The following FAM221A variants were observed in gnomAD, a reference collection of about 807,000 sequenced individuals.
FAM221A encodes the protein protein FAM221A.
FAM221A carries 43 observed loss-of-function variants against 37.6 expected under a neutral mutation model. The ratio of observed to expected loss-of-function variants is 1.15; its 90% confidence interval spans 0.90 to 1.48. The LOEUF is 1.48. Ranked by LOEUF, FAM221A falls within the 40% of genes most tolerant of loss-of-function variation. The pLI is 0.00. For synonymous variants in FAM221A, 135 were observed against 132.9 expected (o/e 1.02, Z -0.11); for missense variants, 361 against 361.5 (o/e 1.00, Z 0.01).
At chr7:23,691,676 A>T in intron 4 of FAM221A, 80 bp downstream of exon 4, 1 of 1,166,378 alleles carries the variant, frequency 8.6e-7, no homozygotes, top group Non-Finnish European at 1.3e-6. Flanking sequence ...ATATTTGTTA[A>T]GCAATTTATA....
At chr7:23,681,954 G>A (rs4722245) in intron 1 of FAM221A, among the ~76,000 whole-genome samples, 72,715 of 151,856 alleles carry the variant, frequency 0.48, 17,793 homozygotes, top group South Asian at 0.67. Context: ...GGTGGGAGTC[G>A]GTTGGGAGGG....
intron 4 of FAM221A, among the ~76,000 whole-genome samples, chr7:23,695,371 T>A (rs899281954): frequency 1.3e-5 from 2 of 151,968 alleles, no homozygotes; most frequent in African/African-American, 4.8e-5. Context: ...ACAATCTTAT[T>A]AAGTTTATTT....
intron 5 of FAM221A, among the ~76,000 whole-genome samples, chr7:23,699,836 C>T (rs539999082): frequency 6.6e-6 from 1 of 152,164 alleles, no homozygotes; most frequent in South Asian, 2.1e-4. Context: ...ATCAGTGCAC[C>T]TGGCCTGATA....
At position 23,700,215 on chromosome 7, in the gene FAM221A, G is replaced by A. The variant is rs559231977; in HGVS notation, c.746-571G>A. On this transcript the variant is annotated intron_variant, in intron 5 of 6. Coordinates refer to ENST00000344962, the MANE Select transcript of FAM221A (RefSeq NM_199136.5). Reference sequence around the variant, plus strand: ...AGGGACCCAGTGAAGACCTTCACTCGCAATGAAGGTGTACTTTTCTATGCA... The same window carrying A: ...AGGGACCCAGTGAAGACCTTCACTCACAATGAAGGTGTACTTTTCTATGCA... 3.9e-5 allele frequency among the ~76,000 whole-genome samples: 6 copies of A among 152,270 alleles called. No homozygotes were observed. The South Asian group carries it at 6.2e-4, about 16-fold the overall frequency.
chr7:23,699,276 TGG>T (rs1785251479), intron 5 of FAM221A, among the ~76,000 whole-genome samples: 1 of 135,624 alleles, frequency 7.4e-6, no homozygotes, highest in African/African-American at 2.7e-5. Flanking sequence ...CCCCCACACC[TGG>T]GTAATTAAAA....
In FAM221A at chr7:23,682,436, ATTAT is replaced by A. The variant is rs1562514075; in HGVS notation, c.66-2060_66-2057del. ...ATTTATTATTATTATTATTATTATT[ATTAT>A]TTTTTTTTTTAGATAGAGTCTTGCT... is the stretch of plus-strand genomic sequence containing the variant. On this transcript the variant is annotated intron_variant, in intron 1 of 6. Transcript: ENST00000344962. Among the ~76,000 whole-genome samples the A allele has an allele frequency of 1.3e-4, 10 of 75,634 alleles. No individual in the cohort carries two copies. In the South Asian group the frequency reaches 2.3e-3, roughly 18 times the overall value. 49.6% of individuals were successfully genotyped at this position (75,634 alleles called of 152,430 possible). A position where few individuals can be genotyped will look rare whatever the true frequency, so the allele number is the denominator to read the frequency against.
At chr7:23,680,913 A>C (rs1444972304) in intron 1 of FAM221A, 1 of 152,058 alleles carries the variant, frequency 6.6e-6, no homozygotes, top group Non-Finnish European at 1.5e-5. Flanking sequence ...GGACCGCCTG[A>C]GGACGCGGAG....
rs544129969 is a variant in FAM221A at position 23,681,118 on chromosome 7, C to A, written c.65+835C>A. 2.0e-5 allele frequency among the ~76,000 whole-genome samples: 3 copies of A among 152,276 alleles called. No homozygotes were observed. The East Asian group carries it at 5.8e-4, about 29-fold the overall frequency. On this transcript the variant is annotated intron_variant, in intron 1 of 6. Transcript: ENST00000344962. ...GCCCTGTTTGTGTAGTTTTGGGTAA[C>A]CCTTAGAACTGCCTGGATATTCTGA...
In FAM221A at chr7:23,702,331, C is replaced by A; in HGVS notation, c.*167C>A. 2.3e-6 allele frequency: 1 copy of A among 425,728 alleles called. No homozygotes were observed. Among genetic ancestry groups the A allele is most frequent in the South Asian group, 5.9e-5 (1 of 16,816 alleles). The allele number at this position is 425,728 out of a possible 1,614,324, so 26.4% of individuals were successfully genotyped here. A position where few individuals can be genotyped will look rare whatever the true frequency, so the allele number is the denominator to read the frequency against. On this transcript the variant is annotated 3_prime_UTR_variant, in exon 7 of 7. Coordinates refer to ENST00000344962, the MANE Select transcript of FAM221A (RefSeq NM_199136.5). Reference sequence around the variant, plus strand: ...TTTAAATAACTAAAAATGCCTATTACTTTTGTCAAAACTCATAATTTACTA... The same window carrying A: ...TTTAAATAACTAAAAATGCCTATTAATTTTGTCAAAACTCATAATTTACTA...
At chr7:23,686,267 C>CT (rs199776307) in intron 2 of FAM221A, 43,738 of 371,922 alleles carry the variant, frequency 0.12, 63 homozygotes, top group South Asian at 0.19. Flanking sequence ...TCCAACTCAA[C>CT]TTTTTTTTTT....
intron 4 of FAM221A, among the ~76,000 whole-genome samples, chr7:23,697,603 T>C (rs778356946): frequency 3.9e-5 from 6 of 152,220 alleles, no homozygotes; most frequent in Non-Finnish European, 1.5e-5. Context: ...GTGAATGTCT[T>C]GCTTTTGATA....
intron 3 of FAM221A, 106 bp downstream of exon 3, chr7:23,689,565 A>T: frequency 7.8e-6 from 6 of 772,618 alleles, no homozygotes; most frequent in Non-Finnish European, 1.1e-5. Flanking sequence ...CAGTTGTATT[A>T]GTTGTAGAGT....
intron 3 of FAM221A, 79 bp from the exon 4 acceptor site, chr7:23,691,311 G>T: frequency 7.2e-7 from 1 of 1,387,190 alleles, no homozygotes. Context: ...GGTTCAGCTG[G>T]CTTTTGCCAG....
intron 4 of FAM221A, among the ~76,000 whole-genome samples, chr7:23,697,665 G>T (rs1431394225): frequency 6.6e-6 from 1 of 152,102 alleles, no homozygotes; most frequent in Non-Finnish European, 1.5e-5. Flanking sequence ...GCTAACATAG[G>T]TACATAATAT....
chr7:23,681,447 G>C (rs1361638346), intron 1 of FAM221A, among the ~76,000 whole-genome samples: 1 of 152,130 alleles, frequency 6.6e-6, no homozygotes, highest in Non-Finnish European at 1.5e-5. Flanking sequence ...ATTGAGACGG[G>C]GTCTGACTCT....
chr7:23,697,711 A>G (rs1343748621), intron 4 of FAM221A, among the ~76,000 whole-genome samples: 1 of 151,278 alleles, frequency 6.6e-6, no homozygotes, highest in South Asian at 2.1e-4. Flanking sequence ...AGAAATGTGC[A>G]GAAGAATACT....
rs115566914 is a variant in FAM221A at position 23,690,627 on chromosome 7, T to C, written c.431-763T>C. Among the ~76,000 whole-genome samples the C allele has an allele frequency of 5.8e-3, 891 of 152,330 alleles. 15 individuals carry two copies. Among genetic ancestry groups the C allele is most frequent in the African/African-American group, 0.02 (831 of 41,574 alleles). ...CGACTTTTCTAAGATGCAATTCACA[T>C]GTCATACAATTAACCTATTTAAAAT... On this transcript the variant is annotated intron_variant, in intron 3 of 6. Coordinates refer to ENST00000344962, the MANE Select transcript of FAM221A (RefSeq NM_199136.5).
chr7:23,693,179 G>A, intron 4 of FAM221A: 1 of 152,206 alleles, frequency 6.6e-6, no homozygotes, highest in East Asian at 1.9e-4. Context: ...ATACAGAGAA[G>A]TAAAACTATT....
intron 2 of FAM221A, 123 bp downstream of exon 2, chr7:23,684,795 A>T (rs1393471329): frequency 1.1e-6 from 1 of 936,872 alleles, no homozygotes; most frequent in East Asian, 2.7e-5. Context: ...GTAGAGTAGA[A>T]ATTATCAGCT....
Sources: allele counts gnomAD v4.1 joint callset (sites outside exome capture counted in the v4.1 genomes callset), GRCh38; gene constraint gnomAD v4.1.1; transcripts MANE v1.5; gene names NCBI Gene and HGNC (gene_info 2026-07-23, HGNC 2026-07-21).